PLSCR2: variants seen among roughly 807,000 people sequenced by gnomAD.
The protein encoded by PLSCR2 is phospholipid scramblase 2, also known as PL scramblase 2.
In PLSCR2, 18 loss-of-function variants were observed where a neutral mutation model predicts 25.3. The ratio of observed to expected loss-of-function variants is 0.71; its 90% CI spans 0.49 to 1.06. The LOEUF (loss-of-function observed/expected upper bound fraction) is 1.06. Ranked by LOEUF, PLSCR2 falls within the 50% of genes least tolerant of loss-of-function variation. PLSCR2 has a pLI of 0.00. For synonymous variants in PLSCR2, 88 were observed against 87.3 expected (o/e 1.01, Z -0.04); for missense variants, 243 against 269.5 (o/e 0.90, Z 0.69).
rs144070324 is a variant in PLSCR2 at position 146,489,032 on chromosome 3, T to C, written c.-293+6863A>G. Among the ~76,000 whole-genome samples the C allele has an allele frequency of 2.5e-3, 384 of 152,256 alleles. 3 individuals are homozygous for C. The highest frequency in any genetic ancestry group is 9.0e-3 in the African/African-American group (375 of 41,540). Reference sequence around the variant, plus strand: ...GTCCTTTGCAGGACATGGATGGAGCTGGAAGCCATCATTCTCAGCAAACAA... The same window carrying C: ...GTCCTTTGCAGGACATGGATGGAGCCGGAAGCCATCATTCTCAGCAAACAA... On this transcript the variant is annotated intron_variant, in intron 1 of 8. Coordinates refer to the PLSCR2 transcript ENST00000336685.
intron 1 of PLSCR2, among the ~76,000 whole-genome samples, chr3:146,487,241 T>G (rs1242124779): frequency 2.0e-5 from 3 of 152,078 alleles, no homozygotes; most frequent in Admixed American, 2.0e-4. Context: ...AAGAATTCCC[T>G]TTGAAAACCA....
downstream of PLSCR2, among the ~76,000 whole-genome samples, chr3:146,428,956 C>T (rs2039449746): frequency 6.6e-6 from 1 of 152,204 alleles, no homozygotes; most frequent in East Asian, 1.9e-4. Flanking sequence ...AACACACAGT[C>T]CTTTTTTCTA....
intron 4 of PLSCR2, among the ~76,000 whole-genome samples, chr3:146,454,371 CAGTT>C (rs1441309029): frequency 1.3e-5 from 2 of 152,064 alleles, no homozygotes; most frequent in Non-Finnish European, 2.9e-5. Flanking sequence ...AGTTTTTCCT[CAGTT>C]ATTCTTACAA....
intron 2 of PLSCR2, among the ~76,000 whole-genome samples, chr3:146,424,738 G>A (rs2039279558): frequency 6.6e-6 from 1 of 151,970 alleles, no homozygotes; most frequent in Admixed American, 6.6e-5. Context: ...TGTCCCTGTG[G>A]GATGTAAATT....
intron 1 of PLSCR2, chr3:146,469,501 C>T (rs1365797614): frequency 1.0e-6 from 1 of 985,162 alleles, no homozygotes; most frequent in Non-Finnish European, 1.2e-6. Context: ...TTACCCGTGG[C>T]TGCAGCTGCT....
upstream of PLSCR2, among the ~76,000 whole-genome samples, chr3:146,465,164 T>G (rs1312009974): frequency 1.3e-5 from 2 of 152,186 alleles, no homozygotes; most frequent in Non-Finnish European, 2.9e-5. Flanking sequence ...TACCGTTAAC[T>G]AATCCACTTT....
chr3:146,446,734 C>G (rs1161860870), intron 6 of PLSCR2, among the ~76,000 whole-genome samples: 2 of 152,124 alleles, frequency 1.3e-5, no homozygotes, highest in Non-Finnish European at 2.9e-5. Context: ...TGTATCCTTC[C>G]TTTCAGGGCA....
chr3:146,398,759 G>A (rs1199979130), intron 2 of PLSCR2: 4 of 152,118 alleles, frequency 2.6e-5, no homozygotes, highest in Non-Finnish European at 5.9e-5. Context: ...ACTTTGGCAA[G>A]AATGGGTGAA....
chr3:146,418,899 T>C lies in PLSCR2; in HGVS notation c.101-22978A>G, dbSNP rs141028652. On this transcript the variant is annotated intron_variant and NMD_transcript_variant, in intron 2 of 3. Coordinates refer to the PLSCR2 transcript ENST00000463633. ...TCACACACCTAAACTCTTCAAAGAGTCCTTTGTGTGATTGAATACTCTGAA... is the reference window on the plus strand; with the variant it reads ...TCACACACCTAAACTCTTCAAAGAGCCCTTTGTGTGATTGAATACTCTGAA... Among the ~76,000 whole-genome samples the C allele has an allele frequency of 5.0e-3, 765 of 152,096 alleles. 4 individuals are homozygous for C. Among genetic ancestry groups the C allele is most frequent in the Non-Finnish European group, 6.9e-3 (468 of 67,982 alleles).
chr3:146,441,864 A>C, intron 6 of PLSCR2, 43 bp from the exon 7 acceptor site: 3 of 1,314,852 alleles, frequency 2.3e-6, no homozygotes, highest in Non-Finnish European at 3.3e-6. Flanking sequence ...TCAGAAACCA[A>C]ACAGAGATCA....
chr3:146,413,301 C>T (rs2108048542), intron 2 of PLSCR2, among the ~76,000 whole-genome samples: 2 of 152,226 alleles, frequency 1.3e-5, no homozygotes, highest in Middle Eastern at 6.8e-3. Context: ...CTTAGTAAAC[C>T]ACTGCTTGGC....
chr3:146,401,744 C>T (rs2038479798), intron 2 of PLSCR2, among the ~76,000 whole-genome samples: 1 of 151,972 alleles, frequency 6.6e-6, no homozygotes, highest in Non-Finnish European at 1.5e-5. Flanking sequence ...AGGCTAGGTA[C>T]TCTCTGGATC....
intron 2 of PLSCR2, among the ~76,000 whole-genome samples, chr3:146,410,105 G>T (rs538818730): frequency 6.5e-4 from 99 of 151,178 alleles, no homozygotes; most frequent in African/African-American, 2.3e-3. Flanking sequence ...TTTTTTAAGG[G>T]TTCAAGGAGT....
intron 1 of PLSCR2, among the ~76,000 whole-genome samples, chr3:146,467,251 TAGTAGTAA>T (rs1441530633): frequency 1.3e-5 from 2 of 152,168 alleles, no homozygotes; most frequent in Non-Finnish European, 2.9e-5. Flanking sequence ...ACTGAAATTG[TAGTAGTAA>T]AGTGTTCTAC....
At position 146,397,077 on chromosome 3, in the gene PLSCR2, G is replaced by A. The variant is rs77884452; in HGVS notation, c.101-1156C>T. 3.0e-3 allele frequency among the ~76,000 whole-genome samples: 457 copies of A among 152,028 alleles called. 9 individuals are homozygous for A. The East Asian group carries it at 0.063, about 21-fold the overall frequency. Reference sequence around the variant, plus strand: ...TTAGTCCCATACCAAATAAGAAACCGGGTTCATCAAGTATTCAGCCTCTGT... The same window carrying A: ...TTAGTCCCATACCAAATAAGAAACCAGGTTCATCAAGTATTCAGCCTCTGT... On this transcript the variant is annotated intron_variant and NMD_transcript_variant, in intron 2 of 3. Coordinates refer to the PLSCR2 transcript ENST00000463633.
intron 1 of PLSCR2, 101 bp from the exon 1 acceptor site, chr3:146,469,662 GT>G: frequency 2.8e-6 from 2 of 721,526 alleles, no homozygotes; most frequent in Non-Finnish European, 3.4e-6. Context: ...GCAGCCCCTA[GT>G]TTAGGTTTCT....
chr3:146,490,261 G>T (rs908489568), intron 1 of PLSCR2, among the ~76,000 whole-genome samples: 2 of 152,094 alleles, frequency 1.3e-5, no homozygotes, highest in African/African-American at 4.8e-5. Flanking sequence ...GAGGAAATTT[G>T]AAATTCAGCA....
chr3:146,427,863 C>G (rs116463941), intron 2 of PLSCR2, among the ~76,000 whole-genome samples: 1 of 152,076 alleles, frequency 6.6e-6, no homozygotes, highest in Non-Finnish European at 1.5e-5. Flanking sequence ...ACCAATAGCC[C>G]AGAGCAATAT....
intron 3 of PLSCR2, 100 bp from the exon 4 acceptor site, chr3:146,455,559 T>A: frequency 2.8e-6 from 2 of 709,898 alleles, no homozygotes; most frequent in Admixed American, 2.6e-5. Context: ...CCAAGTATCA[T>A]AGAAAGAACA....
Sources: allele counts gnomAD v4.1 joint callset (sites outside exome capture counted in the v4.1 genomes callset), GRCh38; gene constraint gnomAD v4.1.1; transcripts MANE v1.5; gene names NCBI Gene and HGNC (gene_info 2026-07-23, HGNC 2026-07-21).